TRANK1: variants seen among roughly 807,000 people sequenced by gnomAD.
TRANK1 encodes the protein TPR and ankyrin repeat-containing protein 1.
TRANK1 carries 198 observed loss-of-function variants against 266.0 expected under a neutral mutation model. The ratio of observed to expected loss-of-function variants is 0.74; its 90% CI spans 0.66 to 0.84. TRANK1 has a LOEUF of 0.84. TRANK1 is among the 40% of genes least tolerant of loss of function. The probability of loss-of-function intolerance (pLI) is 0.00; values close to 1 mark genes in which losing one functional copy is unlikely to be tolerated. For missense variants in TRANK1, 3,326 were observed against 3,634.6 expected, an observed-to-expected ratio of 0.92 and a Z score of 2.18; for synonymous variants, 1,396 against 1,384.1, an observed-to-expected ratio of 1.01 and a Z score of -0.19.
At chr3:36,851,142 T>TG (rs1012466549) in intron 15 of TRANK1, 1 of 985,538 alleles carries the variant, frequency 1.0e-6, no homozygotes, top group African/African-American at 1.7e-5. Context: ...CAGAGGTCAC[T>TG]GGGGGTCAAT....
At chr3:36,855,132 C>A in intron 13 of TRANK1, 41 bp downstream of exon 13, 3 of 1,553,162 alleles carry the variant, frequency 1.9e-6, no homozygotes, top group South Asian at 1.2e-5. Context: ...AAAGTCTGTG[C>A]CTAAGCACCC....
At chr3:36,879,882 A>ATGTAAATATACAAATATT (rs1559449178) in intron 8 of TRANK1, among the ~76,000 whole-genome samples, 6 of 90,144 alleles carry the variant, frequency 6.7e-5, no homozygotes, top group Admixed American at 2.9e-4. Context: ...ATACAAATAT[A>ATGTAAATATACAAATATT]TGTAAACATG....
rs1361264801 is a variant in TRANK1 at position 36,892,386 on chromosome 3, A to G, written c.637-46T>C. 3.9e-6 allele frequency: 6 copies of G among 1,533,456 alleles called. No individual in the cohort carries two copies. The South Asian group carries it at 6.0e-5, about 15-fold the overall frequency. 95.0% of individuals were successfully genotyped at this position (1,533,456 alleles called of 1,614,324 possible). A position where few individuals can be genotyped will look rare whatever the true frequency, so the allele number is the denominator to read the frequency against. ...GGACAAATTATGGAAGTCACTAATC[A>G]ATATGAAGCTTCAAACTCCTTTACC... On this transcript the variant is annotated intron_variant, in intron 6 of 23. Coordinates refer to ENST00000645898, the MANE Select transcript of TRANK1 (RefSeq NM_001329998.2).
chr3:36,912,062 T>G (rs1575305897), intron 1 of TRANK1, among the ~76,000 whole-genome samples: 1 of 151,932 alleles, frequency 6.6e-6, no homozygotes, highest in African/African-American at 2.4e-5. Flanking sequence ...TGGTAGTGCA[T>G]GCCTATAGCC....
chr3:36,842,983 A>T (rs1283101490), intron 17 of TRANK1, among the ~76,000 whole-genome samples: 1 of 152,212 alleles, frequency 6.6e-6, no homozygotes, highest in Non-Finnish European at 1.5e-5. Context: ...GGGGCAAGAG[A>T]GCACAGAGGA....
intron 8 of TRANK1, among the ~76,000 whole-genome samples, chr3:36,879,490 G>T (rs2079441448): frequency 6.8e-6 from 1 of 148,146 alleles, no homozygotes; most frequent in Non-Finnish European, 1.5e-5. Context: ...TCATTAGAAT[G>T]TAGTTATTTC....
rs2078926227 is a variant in TRANK1 at position 36,847,180 on chromosome 3, G to A, written c.5034+20C>T. 1 of 1,607,720 alleles carries A rather than the reference G, an allele frequency of 6.2e-7. No individual in the cohort carries two copies. The highest frequency in any genetic ancestry group is 2.2e-5 in the East Asian group (1 of 44,834). ...TACTTCCATGTCAAGTACATGTGTT[G>A]ACAAATGGCAGAAATTCACCTTGTA... On this transcript the variant is annotated intron_variant, in intron 16 of 23. Coordinates refer to ENST00000645898, the MANE Select transcript of TRANK1 (RefSeq NM_001329998.2).
intron 1 of TRANK1, among the ~76,000 whole-genome samples, chr3:36,924,000 A>C (rs939158496): frequency 3.9e-5 from 6 of 152,176 alleles, no homozygotes; most frequent in Non-Finnish European, 7.3e-5. Context: ...GAATTCACAC[A>C]CGTTTGGGGT....
chr3:36,941,876 C>G (rs769157307), intron 1 of TRANK1, among the ~76,000 whole-genome samples: 2 of 152,162 alleles, frequency 1.3e-5, no homozygotes, highest in Non-Finnish European at 2.9e-5. Context: ...AATGAGCCTG[C>G]GGTCACTCTG....
At position 36,834,805 on chromosome 3, in the gene TRANK1, A is replaced by G; in HGVS notation, c.5620T>C (p.Cys1874Arg). Residue 1874 changes from cysteine to arginine, a missense_variant, in exon 21 of 24, where the codon TGC (cysteine) becomes CGC (arginine). Transcript: ENST00000645898. ...GCTTCTTCAAAAAGCTCCTCTTGGC[A>G]GTACATTTTGAGTGCTAGATCAAAT... The part of the protein sequence containing the change: ...QEFDLALKMY[C>R]QEELFEEAAI... 6.2e-7 allele frequency: 1 copy of G among 1,613,800 alleles called. No individual in the cohort carries two copies. Among genetic ancestry groups the G allele is most frequent in the Non-Finnish European group, 8.5e-7 (1 of 1,179,862 alleles).
intron 18 of TRANK1, among the ~76,000 whole-genome samples, chr3:36,841,588 T>C (rs1012139025): frequency 1.2e-4 from 18 of 152,280 alleles, no homozygotes; most frequent in Admixed American, 5.2e-4. Context: ...CAGACTCTCT[T>C]GCAGCTAGGA....
rs953264788 is a variant in TRANK1, at chr3:36,835,672, A to T, written c.5518-765T>A. ...ATAAGCTAACTTTTAAAAAAATAAC[A>T]CCTAGATCAGTACTGTCCAATAGAA... On this transcript the variant is annotated intron_variant, in intron 20 of 23. Transcript: ENST00000645898. Among the ~76,000 whole-genome samples the T allele has an allele frequency of 6.6e-5, 10 of 152,170 alleles. No homozygotes were observed. The South Asian group carries it at 8.3e-4, about 13-fold the overall frequency.
chr3:36,894,335 A>T (rs1210914797), intron 5 of TRANK1, among the ~76,000 whole-genome samples: 1 of 152,316 alleles, frequency 6.6e-6, no homozygotes, highest in South Asian at 2.1e-4. Flanking sequence ...ATGAGGCCTA[A>T]GGCCTCCTGC....
In TRANK1 at chr3:36,831,672, C is replaced by G. The variant is rs372061144; in HGVS notation, c.7911G>C (p.Glu2637Asp). Residue 2637 changes from glutamate (E) to aspartate (D), a missense_variant, in exon 22 of 24, where the codon GAG (glutamate) becomes GAC (aspartate). Physicochemically the swap from Glu to Asp is conservative, Grantham distance 45. Transcript: ENST00000645898. The surrounding 1 kb of genome is among the most constrained non-coding windows in gnomAD (Gnocchi z 5.0). ...AGTCCATTAGGTACTCTTCATCCCG[C>G]TCAAAGAGCAGGTCCTGCAGTGCCT... ...VAEALQDLLFERDEEYLMDCD... is the reference protein window; with the variant it reads ...VAEALQDLLFDRDEEYLMDCD... The G allele has an allele frequency of 1.2e-6, 2 of 1,614,002 alleles. No individual in the cohort carries two copies. The highest frequency in any genetic ancestry group is 1.7e-6 in the Non-Finnish European group (2 of 1,179,888).
At position 36,844,622 on chromosome 3, in the gene TRANK1, C is replaced by T. The variant is rs987051488; in HGVS notation, c.5191+1626G>A. Among the ~76,000 whole-genome samples, 8 of 152,212 alleles carry T rather than the reference C, an allele frequency of 5.3e-5. No individual in the cohort carries two copies. In the South Asian group the frequency reaches 1.7e-3, roughly 32 times the overall value. On this transcript the variant is annotated intron_variant, in intron 17 of 23. Coordinates refer to ENST00000645898, the MANE Select transcript of TRANK1 (RefSeq NM_001329998.2). ...AGAATGCCCATGCTAGGCCAATCCA[C>T]TCATTTTCCTTTGGGAGAGAAGGTG...
chr3:36,894,934 T>C (rs931092065), intron 5 of TRANK1, among the ~76,000 whole-genome samples: 1 of 152,214 alleles, frequency 6.6e-6, no homozygotes, highest in African/African-American at 2.4e-5. Flanking sequence ...ATGCCAGGTA[T>C]TATAAAACCC....
chr3:36,834,028 T>C, intron 21 of TRANK1, 109 bp from the exon 22 acceptor site: 1 of 1,138,836 alleles, frequency 8.8e-7, no homozygotes, highest in Admixed American at 3.2e-5. Flanking sequence ...CATGTAGATA[T>C]TACAAAATAA....
intron 8 of TRANK1, among the ~76,000 whole-genome samples, chr3:36,889,205 C>A (rs1339124849): frequency 2.0e-5 from 3 of 152,178 alleles, no homozygotes; most frequent in Admixed American, 6.5e-5. Context: ...GTATGTTCTT[C>A]TCTATCCCAA....
At chr3:36,858,170 A>G (rs1401922244) in intron 12 of TRANK1, 121 bp from the exon 13 acceptor site, 2 of 810,342 alleles carry the variant, frequency 2.5e-6, no homozygotes, top group African/African-American at 3.5e-5. Flanking sequence ...CCCCCAAAAA[A>G]TCTGAAATCC....
Sources: allele counts gnomAD v4.1 joint callset (sites outside exome capture counted in the v4.1 genomes callset), GRCh38; gene constraint gnomAD v4.1.1; non-coding constraint Gnocchi (gnomAD v3.1); transcripts MANE v1.5; gene names NCBI Gene and HGNC (gene_info 2026-07-23, HGNC 2026-07-21).